MACROD2: variants seen among roughly 807,000 people sequenced by gnomAD.
The protein encoded by MACROD2 is mono-ADP ribosylhydrolase 2.
A neutral mutation model predicts 70.4 loss-of-function variants in MACROD2; 36 were observed. The observed-to-expected ratio is 0.51, with a 90% confidence interval of 0.39 to 0.68. The LOEUF (loss-of-function observed/expected upper bound fraction) is 0.68. Ranked by LOEUF, MACROD2 falls within the 30% of genes least tolerant of loss-of-function variation. The pLI, the probability that MACROD2 is intolerant of heterozygous loss-of-function variation, is 0.00. For synonymous variants in MACROD2, 172 were observed against 178.8 expected, an observed-to-expected ratio of 0.96 and a Z score of 0.30; for missense variants, 496 against 538.4, an observed-to-expected ratio of 0.92 and a Z score of 0.78.
chr20:15,273,655 G>T (rs758739190), intron 6 of MACROD2, among the ~76,000 whole-genome samples: 48 of 152,146 alleles, frequency 3.2e-4, no homozygotes, highest in Admixed American at 5.9e-4. Flanking sequence ...GACAGTATGG[G>T]TAGCTAAGGT....
At chr20:15,855,249 T>C (rs1284449378) in intron 8 of MACROD2, among the ~76,000 whole-genome samples, 2 of 152,182 alleles carry the variant, frequency 1.3e-5, no homozygotes, top group Non-Finnish European at 2.9e-5. Flanking sequence ...TCAGGGCCAG[T>C]GGATATGATG....
intron 3 of MACROD2, among the ~76,000 whole-genome samples, chr20:14,251,621 T>A (rs1276337878): frequency 3.3e-5 from 5 of 152,132 alleles, no homozygotes; most frequent in African/African-American, 1.2e-4. Flanking sequence ...ACCACTAGCA[T>A]TTGTTAATCT....
intron 5 of MACROD2, chr20:14,850,284 A>G (rs151043245): frequency 2.1e-4 from 37 of 175,686 alleles, no homozygotes; most frequent in Non-Finnish European, 4.2e-4. Context: ...CTAATAAAGT[A>G]TGAAACATTC....
At chr20:15,102,554 G>A (rs8117219) in intron 5 of MACROD2, among the ~76,000 whole-genome samples, 49,514 of 151,828 alleles carry the variant, frequency 0.33, 8,717 homozygotes, top group African/African-American at 0.44. Context: ...ATAGAAAAGA[G>A]TGGGAAGTAT....
chr20:14,886,922 T>C (rs907401072), intron 5 of MACROD2, among the ~76,000 whole-genome samples: 25 of 152,136 alleles, frequency 1.6e-4, no homozygotes, highest in African/African-American at 5.6e-4. Context: ...CATTCCGACA[T>C]TGGCGTCTCT....
chr20:14,903,783 C>A (rs904113540), intron 5 of MACROD2, among the ~76,000 whole-genome samples: 2 of 152,242 alleles, frequency 1.3e-5, no homozygotes, highest in East Asian at 3.9e-4. Context: ...TGCATGTGGT[C>A]ATTTAGGAAT....
At chr20:16,029,586 A>C (rs941007532) in intron 15 of MACROD2, among the ~76,000 whole-genome samples, 5 of 152,202 alleles carry the variant, frequency 3.3e-5, no homozygotes, top group South Asian at 2.1e-4. Context: ...AAATGTGCGG[A>C]AGGAACGAGC....
intron 8 of MACROD2, among the ~76,000 whole-genome samples, chr20:15,541,076 G>C (rs898094968): frequency 4.6e-5 from 7 of 152,164 alleles, no homozygotes; most frequent in Non-Finnish European, 8.8e-5. Flanking sequence ...ATCCACAACA[G>C]GGTACTACTC....
chr20:15,348,886 C>A (rs902934216), intron 6 of MACROD2, among the ~76,000 whole-genome samples: 1 of 152,070 alleles, frequency 6.6e-6, no homozygotes, highest in African/African-American at 2.4e-5. Flanking sequence ...CAAACAATAT[C>A]ATTGTGTTAC....
At chr20:15,214,327 A>T (rs1409452962) in intron 5 of MACROD2, among the ~76,000 whole-genome samples, 3 of 152,142 alleles carry the variant, frequency 2.0e-5, no homozygotes, top group Non-Finnish European at 4.4e-5. Context: ...GACTCCAAGA[A>T]TATTCCATGG....
At chr20:14,240,763 A>G (rs913477208) in intron 3 of MACROD2, among the ~76,000 whole-genome samples, 2 of 152,168 alleles carry the variant, frequency 1.3e-5, no homozygotes, top group African/African-American at 2.4e-5. Flanking sequence ...GGGTGACTGA[A>G]TAATCAGTAC....
intron 5 of MACROD2, among the ~76,000 whole-genome samples, chr20:14,824,759 T>C (rs963146693): frequency 1.3e-5 from 2 of 152,114 alleles, no homozygotes; most frequent in Non-Finnish European, 2.9e-5. Context: ...TGGGAGGGGC[T>C]ACCCATGGAT....
rs549211444 is a variant in MACROD2, at chr20:14,207,829, C to G, written c.271+122101C>G. Among the ~76,000 whole-genome samples, 11 of 152,302 alleles carry G rather than the reference C, an allele frequency of 7.2e-5. 1 individual carries two copies. In the East Asian group the frequency reaches 2.1e-3, roughly 29 times the overall value. ...TACAATTCCAAGGTTTGGGTTACCC[C>G]TCTGGGCAAAAACCTTATCAGGAAG... is the stretch of plus-strand genomic sequence containing the variant. On this transcript the variant is annotated intron_variant, in intron 3 of 17. Coordinates refer to ENST00000684519, the MANE Select transcript of MACROD2 (RefSeq NM_001351661.2).
chr20:15,201,074 C>T (rs2076651991), intron 5 of MACROD2, among the ~76,000 whole-genome samples: 1 of 152,194 alleles, frequency 6.6e-6, no homozygotes, highest in Non-Finnish European at 1.5e-5. Context: ...TGCTGCTGAT[C>T]TGCAAACCAT....
chr20:14,239,423 C>A (rs1455709716), intron 3 of MACROD2, among the ~76,000 whole-genome samples: 2 of 152,128 alleles, frequency 1.3e-5, no homozygotes, highest in Non-Finnish European at 2.9e-5. Context: ...CCAAGGCAAT[C>A]CTAAGCAAAA....
intron 8 of MACROD2, among the ~76,000 whole-genome samples, chr20:15,505,051 C>T (rs983404289): frequency 6.6e-6 from 1 of 152,160 alleles, no homozygotes; most frequent in Non-Finnish European, 1.5e-5. Flanking sequence ...TATTGTTCTA[C>T]CCCAGGGACT....
Position 14,170,295 on chromosome 20 carries a change from G to A in MACROD2, c.271+84567G>A, listed in dbSNP as rs6135077. Among the ~76,000 whole-genome samples, 1,023 of 152,232 alleles carry A rather than the reference G, an allele frequency of 6.7e-3. 61 individuals carry two copies. The East Asian group carries it at 0.16, about 23-fold the overall frequency. Reference sequence around the variant, plus strand: ...TACAATCATATCATCAGCAAACAGCGACAGTTTGACTAACTCTTTAATGAT... The same window carrying A: ...TACAATCATATCATCAGCAAACAGCAACAGTTTGACTAACTCTTTAATGAT... On this transcript the variant is annotated intron_variant, in intron 3 of 17. Coordinates refer to ENST00000684519, the MANE Select transcript of MACROD2 (RefSeq NM_001351661.2).
At chr20:14,305,549 G>C (rs1236702263) in intron 3 of MACROD2, among the ~76,000 whole-genome samples, 1 of 152,076 alleles carries the variant, frequency 6.6e-6, no homozygotes, top group Non-Finnish European at 1.5e-5. Context: ...TCTATTTCTT[G>C]ATTGGTTTAG....
chr20:15,968,630 T>C (rs2066178091), intron 13 of MACROD2, among the ~76,000 whole-genome samples: 1 of 151,646 alleles, frequency 6.6e-6, no homozygotes, highest in South Asian at 2.1e-4. Flanking sequence ...AATATATGTC[T>C]TTAACTTTGA....
Sources: gnomAD v4.1 joint callset for allele counts (sites outside exome capture counted in the v4.1 genomes callset) on GRCh38, gnomAD v4.1.1 for gene constraint, MANE v1.5 for transcripts, NCBI Gene and HGNC (gene_info 2026-07-23, HGNC 2026-07-21) for gene names.